RNF38: variants seen among roughly 807,000 people sequenced by gnomAD.
RNF38 encodes the protein E3 ubiquitin-protein ligase RNF38.
In RNF38, 15 loss-of-function variants were observed where a neutral mutation model predicts 67.2. That is an observed-to-expected ratio of 0.22 (90% confidence interval 0.15 to 0.34). The LOEUF (loss-of-function observed/expected upper bound fraction) is 0.34, where lower values mean the gene tolerates loss of function less well. Among genes scored for constraint, RNF38 ranks in the 10% least tolerant of loss-of-function variants. RNF38 has a pLI of 1.00. For synonymous variants in RNF38, 220 were observed against 218.8 expected (o/e 1.01, Z -0.05); for missense variants, 524 against 639.9 (o/e 0.82, Z 1.95).
chr9:36,426,163 T>A (rs927602627), intron 1 of RNF38, among the ~76,000 whole-genome samples: 2 of 152,244 alleles, frequency 1.3e-5, no homozygotes, highest in African/African-American at 4.8e-5. Context: ...ATTTGTTTTG[T>A]TTTGTCTTGT....
At chr9:36,415,175 C>A (rs952794143) in intron 2 of RNF38, among the ~76,000 whole-genome samples, 1 of 152,180 alleles carries the variant, frequency 6.6e-6, no homozygotes, top group African/African-American at 2.4e-5. Flanking sequence ...CTCAACAACA[C>A]CAATTATTCT....
chr9:36,483,124 C>T (rs766376151), intron 1 of RNF38, among the ~76,000 whole-genome samples: 1 of 152,148 alleles, frequency 6.6e-6, no homozygotes, highest in East Asian at 1.9e-4. Context: ...CGGCTGTTCA[C>T]GCGTGTAATC....
chr9:36,400,006 G>C, intron 1 of RNF38, 91 bp downstream of exon 1: 1 of 1,141,182 alleles, frequency 8.8e-7, no homozygotes. Flanking sequence ...AATTACATGT[G>C]TGTGTTTCTA....
chr9:36,369,885 T>G lies in RNF38; in HGVS notation c.404A>C (p.His135Pro). The stretch of plus-strand genomic sequence containing the variant: ...GTTTTCATCTTGACTAATGGAATTA[T>G]GTCGAGACAGACGATCCCTTCTTCC... Reference protein sequence around the residue: ...QRGRRDRLSRHNSISQDENYH... With the variant: ...QRGRRDRLSRPNSISQDENYH... Residue 135 changes from histidine to proline, a missense_variant, in exon 4 of 12, where the codon CAT becomes CCT. By Grantham distance (77) the His-to-Pro change is moderately conservative (BLOSUM62 -2). Around this residue, in one of 2 missense-constraint regions of RNF38, gnomAD observed 461 missense variants for 517.4 expected, o/e 0.89. Coordinates refer to ENST00000259605, the MANE Select transcript of RNF38 (RefSeq NM_022781.5). 6.2e-7 allele frequency: 1 copy of G among 1,613,624 alleles called. No homozygotes were observed. The highest frequency in any genetic ancestry group is 8.5e-7 in the Non-Finnish European group (1 of 1,180,044).
intron 1 of RNF38, among the ~76,000 whole-genome samples, chr9:36,431,030 G>A (rs1292928756): frequency 6.6e-6 from 1 of 152,124 alleles, no homozygotes; most frequent in East Asian, 1.9e-4. Flanking sequence ...AGTCCCACAA[G>A]ACTGCCTCCC....
At position 36,386,203 on chromosome 9, in the gene RNF38, AG is replaced by A. The variant is rs1836620327; in HGVS notation, c.162+4263del. On this transcript the variant is annotated intron_variant, in intron 2 of 11. Coordinates refer to ENST00000259605, the MANE Select transcript of RNF38 (RefSeq NM_022781.5). The stretch of plus-strand genomic sequence containing the variant: ...TAATACCAACACAGAGGTCTCTGAC[AG>A]AGCTATTTCTTTCTAATAGGATTTG... Among the ~76,000 whole-genome samples the A allele has an allele frequency of 1.3e-5, 2 of 152,204 alleles. 1 individual carries two copies. The highest frequency in any genetic ancestry group is 3.8e-4 in the East Asian group (2 of 5,200).
intron 4 of RNF38, among the ~76,000 whole-genome samples, chr9:36,366,398 G>GA (rs1321182148): frequency 7.2e-5 from 11 of 151,894 alleles, no homozygotes; most frequent in Non-Finnish European, 1.5e-4. Context: ...TATTGCAACT[G>GA]ATTAGTATGT....
At chr9:36,433,496 T>C (rs1377965163) in intron 1 of RNF38, among the ~76,000 whole-genome samples, 1 of 151,654 alleles carries the variant, frequency 6.6e-6, no homozygotes, top group Non-Finnish European at 1.5e-5. Context: ...TCCCAGCACT[T>C]TGGGAAGCCA....
rs548303654 is a variant in RNF38, at chr9:36,394,998, T to C, written c.13-4382A>G. ...AAACATCCTGAGACCACATTAAGTC[T>C]GCAACTCCCAAAACTTATCATGTTT... On this transcript the variant is annotated intron_variant, in intron 1 of 11. Transcript: ENST00000259605. Among the ~76,000 whole-genome samples, 55 of 152,342 alleles carry C rather than the reference T, an allele frequency of 3.6e-4. No homozygotes were observed. The Middle Eastern group carries it at 0.01, about 28-fold the overall frequency.
At chr9:36,347,086 CT>C (rs1833294601) in intron 9 of RNF38, among the ~76,000 whole-genome samples, 1 of 119,402 alleles carries the variant, frequency 8.4e-6, no homozygotes, top group South Asian at 2.8e-4. Context: ...CACCATTGCA[CT>C]CCAAGCCTGG....
chr9:36,440,622 T>C (rs567750910), intron 1 of RNF38, among the ~76,000 whole-genome samples: 1 of 151,982 alleles, frequency 6.6e-6, no homozygotes, highest in East Asian at 1.9e-4. Flanking sequence ...AAAAAGCAAG[T>C]TGCAGAATAA....
chr9:36,486,801 A>G (rs542018788), intron 1 of RNF38, among the ~76,000 whole-genome samples: 2 of 152,006 alleles, frequency 1.3e-5, no homozygotes, highest in African/African-American at 4.8e-5. Context: ...CCCACCCCGT[A>G]AGAGATCATT....
chr9:36,405,266 C>G (rs1838149224), upstream of RNF38, among the ~76,000 whole-genome samples: 1 of 84,906 alleles, frequency 1.2e-5, no homozygotes, highest in Admixed American at 1.1e-4. Flanking sequence ...GACTCTGTCT[C>G]TTAAAAAAAA....
At chr9:36,462,364 T>C (rs1002863631) in intron 1 of RNF38, among the ~76,000 whole-genome samples, 2 of 152,188 alleles carry the variant, frequency 1.3e-5, no homozygotes, top group African/African-American at 4.8e-5. Context: ...CTGCTTTTCC[T>C]GCTTCAATCC....
chr9:36,470,090 C>T (rs1482695385), intron 1 of RNF38, among the ~76,000 whole-genome samples: 2 of 152,186 alleles, frequency 1.3e-5, no homozygotes, highest in Non-Finnish European at 2.9e-5. Flanking sequence ...AGAACACACC[C>T]TGCCCTTCAT....
Position 36,391,860 on chromosome 9 carries a change from G to A in RNF38, c.13-1244C>T, listed in dbSNP as rs149041476. 1.8e-3 allele frequency among the ~76,000 whole-genome samples: 278 copies of A among 152,228 alleles called. 4 individuals carry two copies. In the East Asian group the frequency reaches 0.04, roughly 22 times the overall value. ...GATCTCCTGACCTCGTGATCCGTCC[G>A]CCTCGGCCTCCCGAAGTGCTGGGAT... is the stretch of plus-strand genomic sequence containing the variant. On this transcript the variant is annotated intron_variant, in intron 1 of 11. Coordinates refer to ENST00000259605, the MANE Select transcript of RNF38 (RefSeq NM_022781.5).
chr9:36,481,629 C>T (rs996496032), intron 1 of RNF38, among the ~76,000 whole-genome samples: 2 of 152,158 alleles, frequency 1.3e-5, no homozygotes, highest in Non-Finnish European at 2.9e-5. Flanking sequence ...TCCCACCACC[C>T]TCAATCATGT....
chr9:36,450,029 T>C (rs1839398770), intron 1 of RNF38, among the ~76,000 whole-genome samples: 1 of 152,232 alleles, frequency 6.6e-6, no homozygotes, highest in African/African-American at 2.4e-5. Context: ...TATGCGATCA[T>C]ATACTATCAT....
intron 9 of RNF38, among the ~76,000 whole-genome samples, chr9:36,346,764 A>G (rs1833269474): frequency 6.6e-6 from 1 of 152,166 alleles, no homozygotes; most frequent in African/African-American, 2.4e-5. Flanking sequence ...TAATTGCGTC[A>G]TCTAAATAAT....
Sources: allele counts gnomAD v4.1 joint callset (sites outside exome capture counted in the v4.1 genomes callset), GRCh38; gene constraint gnomAD v4.1.1; regional missense constraint gnomAD v4.1.1; transcripts MANE v1.5; gene names NCBI Gene and HGNC (gene_info 2026-07-23, HGNC 2026-07-21).